Variants in ART3 observed in about 807,000 individuals in gnomAD.
ART3 encodes the protein ADP-ribosyltransferase 3 (inactive).
ART3 carries 49 observed loss-of-function variants against 48.5 expected under a neutral mutation model. The observed-to-expected ratio is 1.01, with a 90% CI of 0.80 to 1.28. ART3 has a LOEUF of 1.28. ART3 is among the 50% of genes most tolerant of loss of function. The probability of loss-of-function intolerance (pLI) is 0.00; values close to 1 mark genes in which losing one functional copy is unlikely to be tolerated. For synonymous variants in ART3, 145 were observed against 157.2 expected, an observed-to-expected ratio of 0.92 and a Z score of 0.58; for missense variants, 438 against 454.3, an observed-to-expected ratio of 0.96 and a Z score of 0.33.
chr4:76,043,897 C>G (rs191749894), intron 1 of ART3, among the ~76,000 whole-genome samples: 2 of 151,946 alleles, frequency 1.3e-5, no homozygotes, highest in African/African-American at 2.4e-5. Flanking sequence ...GGAATTTGGC[C>G]GATGACCACT....
chr4:76,104,894 G>A (rs1162499312), intron 10 of ART3, among the ~76,000 whole-genome samples: 1 of 152,090 alleles, frequency 6.6e-6, no homozygotes, highest in African/African-American at 2.4e-5. Context: ...TGTTATTATG[G>A]AAATGATGAT....
intron 4 of ART3, 96 bp from the exon 5 acceptor site, chr4:76,098,859 A>G (rs1726623141): frequency 1.9e-6 from 2 of 1,056,054 alleles, no homozygotes; most frequent in Admixed American, 2.4e-5. Context: ...ATAAGCCAAC[A>G]CAATCTTTAT....
At chr4:76,045,929 A>G (rs979457144) in intron 1 of ART3, among the ~76,000 whole-genome samples, 2 of 152,068 alleles carry the variant, frequency 1.3e-5, no homozygotes, top group African/African-American at 4.8e-5. Flanking sequence ...CCCTTTGGCT[A>G]AGATTAGGCT....
chr4:76,078,749 C>T (rs956556734), intron 2 of ART3, among the ~76,000 whole-genome samples: 6 of 152,164 alleles, frequency 3.9e-5, no homozygotes, highest in Admixed American at 3.9e-4. Flanking sequence ...TAATTGGAAA[C>T]ATTCTGATTC....
chr4:76,046,304 G>T (rs1245719519), intron 1 of ART3, among the ~76,000 whole-genome samples: 1 of 151,998 alleles, frequency 6.6e-6, no homozygotes, highest in Non-Finnish European at 1.5e-5. Context: ...GAACCATTCT[G>T]CTTCCCCTGG....
chr4:76,107,688 T>C (rs1728738086), intron 10 of ART3, 73 bp from the exon 11 acceptor site: 1 of 1,121,706 alleles, frequency 8.9e-7, no homozygotes, highest in Middle Eastern at 2.0e-4. Context: ...TTTGCTTAAT[T>C]TTTAATCAGA....
At chr4:76,083,587 T>C (rs948259076) in intron 3 of ART3, among the ~76,000 whole-genome samples, 3 of 152,206 alleles carry the variant, frequency 2.0e-5, no homozygotes, top group African/African-American at 7.2e-5. Context: ...CCTTACCATG[T>C]TTTGTTTGTT....
At chr4:76,046,331 G>GTA (rs1197923418) in intron 1 of ART3, among the ~76,000 whole-genome samples, 1 of 152,124 alleles carries the variant, frequency 6.6e-6, no homozygotes, top group East Asian at 1.9e-4. Flanking sequence ...AGAGAGCAGG[G>GTA]TATAGGGGTT....
intron 1 of ART3, among the ~76,000 whole-genome samples, chr4:76,025,426 A>C (rs1334028860): frequency 6.6e-6 from 1 of 152,248 alleles, no homozygotes; most frequent in Non-Finnish European, 1.5e-5. Context: ...GATACTTGAT[A>C]AATGGACTAA....
intron 5 of ART3, chr4:76,099,229 G>C: frequency 4.4e-6 from 2 of 459,630 alleles, no homozygotes; most frequent in South Asian, 4.1e-5. Context: ...TTGAGTCTGG[G>C]AGGCAGAGGT....
chr4:76,110,152 A>T (rs1382582026), intron 11 of ART3, among the ~76,000 whole-genome samples: 1 of 152,200 alleles, frequency 6.6e-6, no homozygotes, highest in East Asian at 1.9e-4. Context: ...TTTAAAAAAC[A>T]ATGCAGCTAT....
At chr4:76,023,603 G>T in intron 1 of ART3, 1 of 538,988 alleles carries the variant, frequency 1.9e-6, no homozygotes, top group Non-Finnish European at 3.3e-6. Flanking sequence ...CCTGCTGGCT[G>T]TTCCTGGGGA....
chr4:76,018,828 G>C (rs1434917066), intron 1 of ART3, among the ~76,000 whole-genome samples: 4 of 152,062 alleles, frequency 2.6e-5, no homozygotes, highest in African/African-American at 7.3e-5. Flanking sequence ...AGAAGTTTGA[G>C]ACCAGCCTGG....
intron 2 of ART3, among the ~76,000 whole-genome samples, chr4:76,077,171 C>A (rs1477549340): frequency 3.3e-5 from 5 of 152,164 alleles, no homozygotes; most frequent in African/African-American, 4.8e-5. Flanking sequence ...TACTTATTAG[C>A]AGTCAGCCCC....
At chr4:76,012,790 G>A (rs1211975719) in intron 1 of ART3, among the ~76,000 whole-genome samples, 1 of 152,174 alleles carries the variant, frequency 6.6e-6, no homozygotes, top group Non-Finnish European at 1.5e-5. Context: ...TAGCCATTAA[G>A]AAGCTGCTGA....
rs35470242 is a variant in ART3 at position 76,098,200 on chromosome 4, C to CA, written c.814+541dup. 1.9e-3 allele frequency among the ~76,000 whole-genome samples: 237 copies of CA among 128,016 alleles called. 1 individual carries two copies. The highest frequency in any genetic ancestry group is 8.1e-3 in the Middle Eastern group (2 of 246). 84.0% of individuals were successfully genotyped at this position (128,016 alleles called of 152,430 possible). On this transcript the variant is annotated intron_variant, in intron 4 of 11. Transcript: ENST00000355810. ...TCGGGGAAAAATAAGAGGATGTGACCAAAAAAAAAAAAAAAAATCTTTCTT... is the reference window on the plus strand; with the variant it reads ...TCGGGGAAAAATAAGAGGATGTGACCAAAAAAAAAAAAAAAAAATCTTTCTT...
intron 1 of ART3, among the ~76,000 whole-genome samples, chr4:76,057,824 C>T (rs1443424593): frequency 2.0e-5 from 3 of 152,220 alleles, no homozygotes; most frequent in African/African-American, 7.2e-5. Context: ...TAAAAAGATT[C>T]AGTTATACTC....
chr4:76,034,794 T>A lies in ART3; in HGVS notation c.-10+23474T>A, dbSNP rs61757197. 1.9e-3 allele frequency: 2,978 copies of A among 1,543,734 alleles called. 10 individuals carry two copies. The highest frequency in any genetic ancestry group is 2.3e-3 in the Non-Finnish European group (2,602 of 1,120,900). Reference sequence around the variant, plus strand: ...AGGACTTCATATGTTTTGATATTTTTAAAAATTCTTTCTTTCAACTTTCTG... The same window carrying A: ...AGGACTTCATATGTTTTGATATTTTAAAAAATTCTTTCTTTCAACTTTCTG... On this transcript the variant is annotated intron_variant, in intron 1 of 9. Coordinates refer to the ART3 transcript ENST00000341029.
intron 1 of ART3, chr4:76,036,021 C>G: frequency 6.2e-7 from 1 of 1,601,994 alleles, no homozygotes; most frequent in Non-Finnish European, 8.5e-7. Context: ...GGTGCTGCTG[C>G]TGCTACTTCA....
Sources: allele counts gnomAD v4.1 joint callset (sites outside exome capture counted in the v4.1 genomes callset), GRCh38; gene constraint gnomAD v4.1.1; transcripts MANE v1.5; gene names NCBI Gene and HGNC (gene_info 2026-07-23, HGNC 2026-07-21).